Variants in KIF21A observed in about 807,000 individuals in gnomAD.
KIF21A encodes the protein kinesin family member 21A.
Under a neutral mutation model 202.9 loss-of-function variants are expected in KIF21A, and 114 were observed. That is an observed-to-expected ratio of 0.56 (90% CI 0.48 to 0.66). The LOEUF is 0.66. Ranked by LOEUF, KIF21A falls within the 30% of genes least tolerant of loss-of-function variation. The pLI, the probability that KIF21A is intolerant of heterozygous loss-of-function variation, is 0.00. For missense variants in KIF21A, 1,677 were observed against 1,994.9 expected (o/e 0.84, Z 3.04); for synonymous variants, 667 against 670.8 (o/e 0.99, Z 0.09).
intron 12 of KIF21A, 24 bp downstream of exon 12, chr12:39,346,442 A>T (rs1341514453): frequency 4.8e-6 from 7 of 1,447,792 alleles, no homozygotes; most frequent in African/African-American, 1.4e-5. Flanking sequence ...ACATTTTAAT[A>T]AAAAACCTGG....
intron 1 of KIF21A, among the ~76,000 whole-genome samples, chr12:39,388,416 A>G (rs1951105848): frequency 6.6e-6 from 1 of 152,168 alleles, no homozygotes; most frequent in Admixed American, 6.6e-5. Flanking sequence ...TTCTTCATAC[A>G]TTACTCATCT....
At position 39,333,042 on chromosome 12, in the gene KIF21A, C is replaced by T; in HGVS notation, c.2553G>A (p.Lys851=). 6.2e-7 allele frequency: 1 copy of T among 1,614,076 alleles called. No individual in the cohort carries two copies. The highest frequency in any genetic ancestry group is 8.5e-7 in the Non-Finnish European group (1 of 1,180,024). The part of the protein sequence containing the change: ...SDKVAGKVTR[K]LSSSDAPAQD... ...GAGCAGGTGCATCAGATGAACTCAGCTTCCGAGTAACTTTCCCAGCCACTT... is the reference window on the plus strand; with the variant it reads ...GAGCAGGTGCATCAGATGAACTCAGTTTCCGAGTAACTTTCCCAGCCACTT... Residue 851 remains lysine, a synonymous_variant, in exon 19 of 38, where the codon AAG becomes AAA. Transcript: ENST00000361418.
intron 7 of KIF21A, among the ~76,000 whole-genome samples, chr12:39,361,905 C>A (rs1378745489): frequency 1.3e-5 from 2 of 152,198 alleles, no homozygotes; most frequent in African/African-American, 4.8e-5. Context: ...CAGTTTGGAT[C>A]TGTGCCCTCA....
chr12:39,332,178 T>C, intron 21 of KIF21A, 36 bp downstream of exon 21: 1 of 1,579,694 alleles, frequency 6.3e-7, no homozygotes, highest in South Asian at 1.1e-5. Flanking sequence ...AAAGTACTTT[T>C]CATTAAACCA....
chr12:39,351,744 G>T (rs1340378930), intron 11 of KIF21A, 33 bp downstream of exon 11: 13 of 1,266,234 alleles, frequency 1.0e-5, no homozygotes, highest in Non-Finnish European at 1.5e-5. Context: ...AAAGGAAATA[G>T]AGATTCATTT....
At chr12:39,382,887 AT>A (rs1391166722) in intron 1 of KIF21A, among the ~76,000 whole-genome samples, 1 of 152,154 alleles carries the variant, frequency 6.6e-6, no homozygotes, top group East Asian at 1.9e-4. Context: ...TTTTTTACAG[AT>A]TGTTTGCCTT....
intron 11 of KIF21A, among the ~76,000 whole-genome samples, chr12:39,351,017 C>T (rs975731892): frequency 1.3e-5 from 2 of 152,024 alleles, no homozygotes; most frequent in Non-Finnish European, 2.9e-5. Context: ...GACTGGCATG[C>T]TCAAAATATA....
chr12:39,356,338 T>A (rs1948772881), intron 10 of KIF21A, among the ~76,000 whole-genome samples: 1 of 152,318 alleles, frequency 6.6e-6, no homozygotes, highest in South Asian at 2.1e-4. Context: ...TATGCAAGTA[T>A]GTGTGGCATG....
In KIF21A at chr12:39,416,631, G is replaced by GTA. The variant is rs796156140; in HGVS notation, c.44+26294_44+26295dup. The stretch of plus-strand genomic sequence containing the variant: ...TATATATATATGTACATATATATGT[G>GTA]TATATATATATATGTACATATATAT... On this transcript the variant is annotated intron_variant, in intron 1 of 37. Transcript: ENST00000361418. Among the ~76,000 whole-genome samples the GTA allele has an allele frequency of 3.6e-3, 417 of 114,948 alleles. 16 individuals carry two copies. The highest frequency in any genetic ancestry group is 9.4e-3 in the African/African-American group (285 of 30,366). The allele number at this position is 114,948 out of a possible 152,430, so 75.4% of individuals were successfully genotyped here.
At chr12:39,295,761 C>T (rs1235845224) in intron 37 of KIF21A, among the ~76,000 whole-genome samples, 9 of 134,428 alleles carry the variant, frequency 6.7e-5, no homozygotes, top group African/African-American at 1.1e-4. Context: ...TGCAGTGGCG[C>T]GATCTCGGCT....
Position 39,366,338 on chromosome 12 carries a change from C to G in KIF21A, c.903+12G>C, listed in dbSNP as rs988826741. The G allele has an allele frequency of 1.2e-6, 2 of 1,611,188 alleles. No homozygotes were observed. The highest frequency in any genetic ancestry group is 1.3e-5 in the African/African-American group (1 of 74,836). On this transcript the variant is annotated intron_variant, in intron 6 of 37. Coordinates refer to ENST00000361418, the MANE Select transcript of KIF21A (RefSeq NM_001173464.2). ...GCTCTGATATATTCTCAGCACAAAG[C>G]CTTAATCTTACAAGTCCACAGTTGA... is the stretch of plus-strand genomic sequence containing the variant.
chr12:39,301,899 A>G (rs974233825), intron 36 of KIF21A, among the ~76,000 whole-genome samples: 1 of 152,240 alleles, frequency 6.6e-6, no homozygotes, highest in Non-Finnish European at 1.5e-5. Flanking sequence ...TTATCAGCAT[A>G]TAAGGGCTAT....
At chr12:39,315,487 T>A (rs1231635423) in intron 30 of KIF21A, among the ~76,000 whole-genome samples, 1 of 152,034 alleles carries the variant, frequency 6.6e-6, no homozygotes, top group African/African-American at 2.4e-5. Context: ...ATTTTTGGTA[T>A]AATAGTATCC....
intron 1 of KIF21A, among the ~76,000 whole-genome samples, chr12:39,421,148 C>T (rs1954219139): frequency 6.6e-6 from 1 of 152,144 alleles, no homozygotes. Flanking sequence ...CAAATGCTTA[C>T]CATTGTGTTA....
intron 24 of KIF21A, among the ~76,000 whole-genome samples, chr12:39,328,193 C>G (rs148599154): frequency 3.9e-5 from 6 of 152,166 alleles, no homozygotes; most frequent in Middle Eastern, 3.4e-3. Context: ...CTAGAAACTT[C>G]GTGCAAATAA....
chr12:39,383,425 T>A (rs1057285530), intron 1 of KIF21A, among the ~76,000 whole-genome samples: 1 of 152,178 alleles, frequency 6.6e-6, no homozygotes, highest in Non-Finnish European at 1.5e-5. Flanking sequence ...ACAAATGATA[T>A]CCTAAATGAC....
rs146932966 is a variant in KIF21A at position 39,391,564 on chromosome 12, C to T, written c.45-21303G>A. Reference sequence around the variant, plus strand: ...ACCAACCTGGGCAACATAGGAAGACCCTGTCTCAAATATAAAAAATAAAAA... The same window carrying T: ...ACCAACCTGGGCAACATAGGAAGACTCTGTCTCAAATATAAAAAATAAAAA... On this transcript the variant is annotated intron_variant, in intron 1 of 37. Transcript: ENST00000361418. 1.0e-3 allele frequency among the ~76,000 whole-genome samples: 155 copies of T among 152,016 alleles called. 1 individual carries two copies. Among genetic ancestry groups the T allele is most frequent in the African/African-American group, 3.5e-3 (145 of 41,450 alleles).
At chr12:39,299,950 G>A (rs1276091964) in intron 37 of KIF21A, among the ~76,000 whole-genome samples, 1 of 152,042 alleles carries the variant, frequency 6.6e-6, no homozygotes, top group Non-Finnish European at 1.5e-5. Context: ...GGGCCTATTT[G>A]AGGGTGGAGG....
intron 1 of KIF21A, among the ~76,000 whole-genome samples, chr12:39,425,615 C>T (rs1592696741): frequency 6.6e-6 from 1 of 152,136 alleles, no homozygotes; most frequent in South Asian, 2.1e-4. Context: ...TATGAATAAA[C>T]TTACTGTCAT....
Sources: allele counts gnomAD v4.1 joint callset (sites outside exome capture counted in the v4.1 genomes callset), GRCh38; gene constraint gnomAD v4.1.1; transcripts MANE v1.5; gene names NCBI Gene and HGNC (gene_info 2026-07-23, HGNC 2026-07-21).